The following GRM3 variants were observed in gnomAD, a reference collection of about 807,000 sequenced individuals.
GRM3 encodes glutamate metabotropic receptor 3.
A neutral mutation model predicts 70.5 loss-of-function variants in GRM3; 26 were observed. The observed-to-expected ratio is 0.37, with a 90% confidence interval of 0.27 to 0.51. The LOEUF (loss-of-function observed/expected upper bound fraction) is 0.51, where lower values mean the gene tolerates loss of function less well. Among genes scored for constraint, GRM3 ranks in the 20% least tolerant of loss-of-function variants. The pLI is 0.93. For synonymous variants in GRM3, 443 were observed against 434.9 expected, an observed-to-expected ratio of 1.02 and a Z score of -0.23; for missense variants, 859 against 1,123.8, an observed-to-expected ratio of 0.76 and a Z score of 3.37.
chr7:86,754,374 G>A (rs936223988), intron 1 of GRM3, among the ~76,000 whole-genome samples: 1 of 152,102 alleles, frequency 6.6e-6, no homozygotes, highest in South Asian at 2.1e-4. Flanking sequence ...TTGCATTAAT[G>A]TGCCAAAACT....
chr7:86,836,904 CAA>C (rs1047761345), intron 3 of GRM3, among the ~76,000 whole-genome samples: 44 of 152,124 alleles, frequency 2.9e-4, no homozygotes, highest in African/African-American at 1.0e-3. Flanking sequence ...GAGAATCACA[CAA>C]AGTCCATCTA....
chr7:86,793,016 CTTTTTTTTTTT>C (rs140134217), intron 3 of GRM3, among the ~76,000 whole-genome samples: 4 of 94,364 alleles, frequency 4.2e-5, no homozygotes, highest in East Asian at 3.0e-4. Flanking sequence ...GGTTGGTTGC[CTTTTTTTTTTT>C]TTTTTTTTTT....
At chr7:86,701,773 T>C (rs949883594) in intron 1 of GRM3, among the ~76,000 whole-genome samples, 2 of 151,970 alleles carry the variant, frequency 1.3e-5, no homozygotes, top group Admixed American at 6.6e-5. Context: ...TGAGGGTATA[T>C]AGGCTAAAGC....
At chr7:86,669,697 CCTTCT>C (rs1794122630) in intron 1 of GRM3, among the ~76,000 whole-genome samples, 1 of 152,126 alleles carries the variant, frequency 6.6e-6, no homozygotes, top group Non-Finnish European at 1.5e-5. Flanking sequence ...CATTCCAAGT[CCTTCT>C]CTTCTGTCTA....
chr7:86,678,472 G>A (rs12669901), intron 1 of GRM3, among the ~76,000 whole-genome samples: 45,115 of 151,918 alleles, frequency 0.3, 8,545 homozygotes, highest in East Asian at 0.72. Context: ...AATCACATTG[G>A]AAGTAGAACA....
chr7:86,707,371 G>T (rs1326884320), intron 1 of GRM3, among the ~76,000 whole-genome samples: 1 of 152,034 alleles, frequency 6.6e-6, no homozygotes, highest in Non-Finnish European at 1.5e-5. Flanking sequence ...GGCGAATAAT[G>T]ATACCTCCTC....
chr7:86,721,012 A>G (rs1411259667), intron 1 of GRM3, among the ~76,000 whole-genome samples: 1 of 152,090 alleles, frequency 6.6e-6, no homozygotes, highest in Non-Finnish European at 1.5e-5. Context: ...AGGCTGATTT[A>G]GGTAGCTTGA....
intron 1 of GRM3, among the ~76,000 whole-genome samples, chr7:86,709,639 C>G (rs1408535529): frequency 6.6e-6 from 1 of 152,046 alleles, no homozygotes; most frequent in Non-Finnish European, 1.5e-5. Context: ...TCTCTGCTAT[C>G]AGCTCACACC....
intron 1 of GRM3, among the ~76,000 whole-genome samples, chr7:86,663,770 G>A (rs1187637903): frequency 6.6e-6 from 1 of 151,822 alleles, no homozygotes; most frequent in Non-Finnish European, 1.5e-5. Flanking sequence ...CATCTTGTGA[G>A]GGAGACAGAA....
intron 1 of GRM3, among the ~76,000 whole-genome samples, chr7:86,672,862 C>T (rs980078008): frequency 1.3e-5 from 2 of 152,298 alleles, no homozygotes; most frequent in East Asian, 1.9e-4. Context: ...ATCCCCTCCC[C>T]TCTCTATGAG....
intron 1 of GRM3, among the ~76,000 whole-genome samples, chr7:86,680,160 G>A (rs1197441665): frequency 6.6e-6 from 1 of 152,078 alleles, no homozygotes; most frequent in Non-Finnish European, 1.5e-5. Flanking sequence ...TTCTAGAAAT[G>A]AGCAATCATG....
intron 1 of GRM3, among the ~76,000 whole-genome samples, chr7:86,651,764 A>G (rs1793611170): frequency 6.6e-6 from 1 of 152,096 alleles, no homozygotes; most frequent in Admixed American, 6.5e-5. Flanking sequence ...TGTCTAACAA[A>G]TCTCTTCCAT....
chr7:86,778,701 C>T lies in GRM3; in HGVS notation c.469-7560C>T, dbSNP rs914460329. On this transcript the variant is annotated intron_variant, in intron 2 of 5. Coordinates refer to ENST00000361669, the MANE Select transcript of GRM3 (RefSeq NM_000840.3). ...AGCACCTTTCATGATAAGCAATGCA[C>T]AACATGTGATAAATCAACACACAGA... is the stretch of plus-strand genomic sequence containing the variant. 2.6e-5 allele frequency among the ~76,000 whole-genome samples: 4 copies of T among 152,072 alleles called. No homozygotes were observed. In the South Asian group the frequency reaches 8.3e-4, roughly 32 times the overall value.
rs771887483 is a variant in GRM3 at position 86,765,422 on chromosome 7, G to A, written c.277G>A (p.Val93Ile). ...CTTGCTACCAGGAGTGAAGTTGGGT[G>A]TTCACATTTTGGATACATGTTCAAG... ...DYLLPGVKLG[V>I]HILDTCSRDT... is the part of the protein sequence containing the mutation. The change falls in exon 2 of 6, where the codon GTT becomes ATT. Residue 93 changes from valine (V) to isoleucine (I), a missense_variant. Val to Ile is a conservative substitution (Grantham distance 29). Coordinates refer to ENST00000361669, the MANE Select transcript of GRM3 (RefSeq NM_000840.3). The A allele has an allele frequency of 3.1e-6, 5 of 1,613,914 alleles. No individual in the cohort carries two copies. The South Asian group carries it at 5.5e-5, about 18-fold the overall frequency.
intron 1 of GRM3, among the ~76,000 whole-genome samples, chr7:86,684,835 T>C (rs1182823255): frequency 6.6e-6 from 1 of 152,210 alleles, no homozygotes; most frequent in East Asian, 1.9e-4. Context: ...TGCCACTTTC[T>C]AGCTTTGTGA....
chr7:86,751,529 G>A (rs985440218), intron 1 of GRM3, among the ~76,000 whole-genome samples: 27 of 152,236 alleles, frequency 1.8e-4, no homozygotes, highest in African/African-American at 6.3e-4. Context: ...TAAAACCACA[G>A]TATAATTTCA....
chr7:86,791,135 C>T (rs150733831), intron 3 of GRM3, among the ~76,000 whole-genome samples: 33 of 152,268 alleles, frequency 2.2e-4, no homozygotes, highest in Non-Finnish European at 3.5e-4. Flanking sequence ...TTCTTCTCTA[C>T]CTTTATTACT....
chr7:86,653,648 A>T (rs1237264682), intron 1 of GRM3, among the ~76,000 whole-genome samples: 1 of 151,998 alleles, frequency 6.6e-6, no homozygotes, highest in East Asian at 1.9e-4. Flanking sequence ...TCTTATTCGG[A>T]GACTTCCTCA....
At chr7:86,699,264 T>C (rs909019851) in intron 1 of GRM3, among the ~76,000 whole-genome samples, 2 of 152,026 alleles carry the variant, frequency 1.3e-5, no homozygotes, top group African/African-American at 4.8e-5. Flanking sequence ...TACCAGCTTA[T>C]GTAGGAAATT....
Sources: gnomAD v4.1 joint callset for allele counts (sites outside exome capture counted in the v4.1 genomes callset) on GRCh38, gnomAD v4.1.1 for gene constraint, MANE v1.5 for transcripts, NCBI Gene and HGNC (gene_info 2026-07-23, HGNC 2026-07-21) for gene names.